Variants in ERC2 observed in about 807,000 individuals in gnomAD.
ERC2 encodes ERC protein 2.
In ERC2, 42 loss-of-function variants were observed where a neutral mutation model predicts 114.8. The ratio of observed to expected loss-of-function variants is 0.37; its 90% CI spans 0.29 to 0.47. ERC2 has a LOEUF of 0.47. Ranked by LOEUF, ERC2 falls within the 20% of genes least tolerant of loss-of-function variation. ERC2 has a pLI of 0.99. For missense variants in ERC2, 939 were observed against 1,150.7 expected, an observed-to-expected ratio of 0.82 and a Z score of 2.66; for synonymous variants, 454 against 425.5, an observed-to-expected ratio of 1.07 and a Z score of -0.82.
At chr3:55,850,845 AACACACACACACAC>A (rs61573924) in intron 14 of ERC2, among the ~76,000 whole-genome samples, 41 of 125,956 alleles carry the variant, frequency 3.3e-4, no homozygotes, top group South Asian at 5.9e-4. Context: ...CTCTTTTTCA[AACACACACACACAC>A]ACACACACAC....
rs559555574 is a variant in ERC2, at chr3:56,463,902, C to A, written c.-141+4346G>T. Among the ~76,000 whole-genome samples the A allele has an allele frequency of 2.6e-4, 39 of 152,308 alleles. 1 individual carries two copies. Among genetic ancestry groups the A allele is most frequent in the Non-Finnish European group, 4.1e-4 (28 of 68,024 alleles). The stretch of plus-strand genomic sequence containing the variant: ...CCACATCAGAATAAAACTGTGTTCA[C>A]CACTGCACTGAACATTGTCTCTTGG... On this transcript the variant is annotated intron_variant, in intron 1 of 17. Transcript: ENST00000288221.
rs2060728712 is a variant in ERC2 at position 56,406,390 on chromosome 3, A to AG, written c.657+27960dup. 2.0e-5 allele frequency among the ~76,000 whole-genome samples: 3 copies of AG among 152,182 alleles called. No individual in the cohort carries two copies. The South Asian group carries it at 6.2e-4, about 32-fold the overall frequency. On this transcript the variant is annotated intron_variant, in intron 2 of 17. Coordinates refer to ENST00000288221, the MANE Select transcript of ERC2 (RefSeq NM_015576.3). ...TGTGAGGAGTCAGACCAGAGTAGGGAGGGGCTACAGTCCCCAGGGATGTAC... is the reference window on the plus strand; with the variant it reads ...TGTGAGGAGTCAGACCAGAGTAGGGAGGGGGCTACAGTCCCCAGGGATGTAC...
intron 14 of ERC2, among the ~76,000 whole-genome samples, chr3:55,750,039 G>C (rs2066585294): frequency 6.6e-6 from 1 of 152,148 alleles, no homozygotes; most frequent in African/African-American, 2.4e-5. Context: ...GTCTAATGTT[G>C]TTAACCAGTG....
intron 7 of ERC2, among the ~76,000 whole-genome samples, chr3:56,070,119 A>C (rs945332626): frequency 1.3e-5 from 2 of 152,232 alleles, no homozygotes; most frequent in African/African-American, 4.8e-5. Context: ...ATAAATGCCA[A>C]TATAGATATG....
intron 17 of ERC2, among the ~76,000 whole-genome samples, chr3:55,533,191 A>G (rs1400583930): frequency 1.3e-5 from 2 of 152,222 alleles, no homozygotes; most frequent in Middle Eastern, 3.2e-3. Flanking sequence ...GAGATCTGGC[A>G]GGAGTGTCAC....
At chr3:56,172,539 C>T (rs1373213203) in intron 4 of ERC2, among the ~76,000 whole-genome samples, 2 of 152,132 alleles carry the variant, frequency 1.3e-5, no homozygotes, top group African/African-American at 4.8e-5. Flanking sequence ...TATCAGCAAG[C>T]TTTAGAATTC....
chr3:55,553,986 T>C (rs1021330893), intron 17 of ERC2, among the ~76,000 whole-genome samples: 8 of 152,220 alleles, frequency 5.3e-5, no homozygotes, highest in Non-Finnish European at 1.0e-4. Flanking sequence ...CCATAGTGAA[T>C]TATGGAATAG....
chr3:56,215,041 C>G (rs1241818755), intron 3 of ERC2, among the ~76,000 whole-genome samples: 2 of 152,132 alleles, frequency 1.3e-5, no homozygotes, highest in South Asian at 2.1e-4. Flanking sequence ...CAAAAACATG[C>G]CAAATTGTAA....
chr3:56,078,906 G>A (rs1023970), intron 7 of ERC2, among the ~76,000 whole-genome samples: 9,824 of 150,218 alleles, frequency 0.065, 696 homozygotes, highest in African/African-American at 0.18. Context: ...AAACACATTT[G>A]TCAAATGGTT....
At chr3:56,283,071 T>C (rs2054455065) in intron 3 of ERC2, among the ~76,000 whole-genome samples, 1 of 152,244 alleles carries the variant, frequency 6.6e-6, no homozygotes, top group Non-Finnish European at 1.5e-5. Flanking sequence ...ATTTCATGAT[T>C]GCTCTACCTG....
intron 3 of ERC2, among the ~76,000 whole-genome samples, chr3:56,192,234 G>A (rs1178776937): frequency 6.6e-6 from 1 of 152,128 alleles, no homozygotes; most frequent in Non-Finnish European, 1.5e-5. Context: ...TCTCTAACAT[G>A]ACTCCACAGT....
intron 17 of ERC2, among the ~76,000 whole-genome samples, chr3:55,669,393 C>T (rs887888965): frequency 2.6e-5 from 4 of 152,212 alleles, no homozygotes; most frequent in Admixed American, 2.6e-4. Context: ...ATGCTTTTCT[C>T]CAGGCAAGGA....
In ERC2 at chr3:56,017,228, G is replaced by A. The variant is rs75422943; in HGVS notation, c.1779+1666C>T. Among the ~76,000 whole-genome samples, 393 of 152,206 alleles carry A rather than the reference G, an allele frequency of 2.6e-3. 14 individuals are homozygous for A. In the East Asian group the frequency reaches 0.036, roughly 14 times the overall value. On this transcript the variant is annotated intron_variant, in intron 8 of 17. Coordinates refer to ENST00000288221, the MANE Select transcript of ERC2 (RefSeq NM_015576.3). Reference sequence around the variant, plus strand: ...GCTCTTTGACATTCAGGAAGTGTTGGAGGAGAGGAGAGAGCATATGCAAAC... The same window carrying A: ...GCTCTTTGACATTCAGGAAGTGTTGAAGGAGAGGAGAGAGCATATGCAAAC...
At chr3:55,845,614 A>G (rs1201577389) in intron 14 of ERC2, among the ~76,000 whole-genome samples, 1 of 152,178 alleles carries the variant, frequency 6.6e-6, no homozygotes, top group Non-Finnish European at 1.5e-5. Context: ...TTCAACCCCA[A>G]CTGTTTTACT....
At chr3:55,682,086 T>C (rs2148772466) in intron 17 of ERC2, among the ~76,000 whole-genome samples, 1 of 152,348 alleles carries the variant, frequency 6.6e-6, no homozygotes, top group Non-Finnish European at 1.5e-5. Context: ...GCTTCATGTG[T>C]TTGCTTTTTA....
intron 6 of ERC2, among the ~76,000 whole-genome samples, chr3:56,100,998 C>T (rs2078322965): frequency 6.6e-6 from 1 of 152,170 alleles, no homozygotes; most frequent in African/African-American, 2.4e-5. Flanking sequence ...AAAAATCATC[C>T]TCTGTTTTTC....
chr3:56,071,242 A>G (rs568572877), intron 7 of ERC2, among the ~76,000 whole-genome samples: 2 of 152,362 alleles, frequency 1.3e-5, no homozygotes, highest in South Asian at 4.1e-4. Context: ...GAGTAGGGCA[A>G]TGGTGCCCAA....
At chr3:56,158,368 A>G (rs2081854771) in intron 4 of ERC2, among the ~76,000 whole-genome samples, 1 of 152,146 alleles carries the variant, frequency 6.6e-6, no homozygotes, top group African/African-American at 2.4e-5. Context: ...TCTTTTCAAC[A>G]TGCAAACTAT....
chr3:55,799,213 T>C (rs920267166), intron 14 of ERC2, among the ~76,000 whole-genome samples: 4 of 152,002 alleles, frequency 2.6e-5, no homozygotes, highest in Non-Finnish European at 5.9e-5. Context: ...TGAGTTCCTG[T>C]GTGGACTAAC....
Sources: gnomAD v4.1 joint callset for allele counts (sites outside exome capture counted in the v4.1 genomes callset) on GRCh38, gnomAD v4.1.1 for gene constraint, MANE v1.5 for transcripts, NCBI Gene and HGNC (gene_info 2026-07-23, HGNC 2026-07-21) for gene names.